AOPEP: variants seen among roughly 807,000 people sequenced by gnomAD.
AOPEP encodes aminopeptidase O.
In AOPEP, 77 loss-of-function variants were observed where a neutral mutation model predicts 98.1. The observed-to-expected ratio is 0.78, with a 90% CI of 0.65 to 0.95. The LOEUF (loss-of-function observed/expected upper bound fraction) is 0.95, where lower values mean the gene tolerates loss of function less well. Among genes scored for constraint, AOPEP ranks in the 40% least tolerant of loss-of-function variants. AOPEP has a pLI of 0.00. For synonymous variants in AOPEP, 346 were observed against 365.3 expected, an observed-to-expected ratio of 0.95 and a Z score of 0.60; for missense variants, 1,024 against 1,024.7, an observed-to-expected ratio of 1.00 and a Z score of 0.01.
At chr9:95,115,850 TAC>T in the AOPEP span, among the ~76,000 whole-genome samples, 1 of 152,218 alleles carries the variant, frequency 6.6e-6, no homozygotes, top group African/African-American at 2.4e-5. Context: ...TTGTAGTGTC[TAC>T]ACAGTCAGGG....
chr9:95,056,493 C>G (rs912376081), intron 13 of AOPEP: 1 of 152,242 alleles, frequency 6.6e-6, no homozygotes, highest in African/African-American at 2.4e-5. Context: ...GAAATGGTGG[C>G]GGAACCTCAG....
Position 95,063,559 on chromosome 9 carries a change from C to G in AOPEP, c.2232+2749C>G, listed in dbSNP as rs1258626222. Among the ~76,000 whole-genome samples the G allele has an allele frequency of 2.0e-5, 3 of 152,192 alleles. No individual in the cohort carries two copies. In the East Asian group the frequency reaches 5.8e-4, roughly 29 times the overall value. On this transcript the variant is annotated intron_variant, in intron 14 of 16. Transcript: ENST00000375315. ...GGCCATGCCTCAGGGGATGGGCTCC[C>G]CCTGTGTTGTTTTGCTGGTGGCCAC...
At chr9:94,837,957 GA>G (rs1420539808) in intron 5 of AOPEP, among the ~76,000 whole-genome samples, 1 of 152,200 alleles carries the variant, frequency 6.6e-6, no homozygotes, top group African/African-American at 2.4e-5. Context: ...AATTGGTAAA[GA>G]GGAAATCAAA....
chr9:95,028,903 A>G (rs1286362978), intron 13 of AOPEP, among the ~76,000 whole-genome samples: 1 of 152,238 alleles, frequency 6.6e-6, no homozygotes, highest in African/African-American at 2.4e-5. Flanking sequence ...AGGTTATCCA[A>G]GAATTCCGCG....
the AOPEP span, among the ~76,000 whole-genome samples, chr9:95,115,220 G>T: frequency 6.6e-6 from 1 of 152,046 alleles, no homozygotes; most frequent in South Asian, 2.1e-4. Flanking sequence ...GGAATTACAG[G>T]CATTAATCAC....
chr9:94,737,610 A>G lies in AOPEP; in HGVS notation c.-136+10859A>G, dbSNP rs181082212. Among the ~76,000 whole-genome samples the G allele has an allele frequency of 2.6e-5, 4 of 152,368 alleles. No individual in the cohort carries two copies. The East Asian group carries it at 5.8e-4, about 22-fold the overall frequency. On this transcript the variant is annotated intron_variant, in intron 1 of 16. Coordinates refer to ENST00000375315, the MANE Select transcript of AOPEP (RefSeq NM_001193329.3). Reference sequence around the variant, plus strand: ...TTTGTAAAGTGCTGTTTGATATTATACAATTTTATATAGCTAAGTTTTATT... The same window carrying G: ...TTTGTAAAGTGCTGTTTGATATTATGCAATTTTATATAGCTAAGTTTTATT...
At chr9:95,084,533 G>T (rs73654511) in intron 16 of AOPEP, among the ~76,000 whole-genome samples, 1 of 152,130 alleles carries the variant, frequency 6.6e-6, no homozygotes, top group Non-Finnish European at 1.5e-5. Context: ...TTTCTCTTTC[G>T]TTTTGTTATT....
At chr9:94,895,247 AAAAAT>A (rs2049371598) in intron 5 of AOPEP, among the ~76,000 whole-genome samples, 1 of 150,614 alleles carries the variant, frequency 6.6e-6, no homozygotes, top group African/African-American at 2.5e-5. Flanking sequence ...AATAAAAAAA[AAAAAT>A]AGCTGGGCAT....
At chr9:95,007,883 T>C (rs2062157481) in intron 13 of AOPEP, among the ~76,000 whole-genome samples, 1 of 152,224 alleles carries the variant, frequency 6.6e-6, no homozygotes, top group African/African-American at 2.4e-5. Context: ...TGTGTTAACC[T>C]TTTGCTAGGA....
rs574274107 is a variant in AOPEP, at chr9:94,826,385, G to A, written c.1364+25383G>A. 3.9e-5 allele frequency among the ~76,000 whole-genome samples: 6 copies of A among 152,332 alleles called. No homozygotes were observed. The South Asian group carries it at 8.3e-4, about 21-fold the overall frequency. On this transcript the variant is annotated intron_variant, in intron 5 of 16. Transcript: ENST00000375315. Reference sequence around the variant, plus strand: ...TGTTGGGACACAGTGAGCAGCACAGGTACAGAGCTATAATAGAGACCCACT... The same window carrying A: ...TGTTGGGACACAGTGAGCAGCACAGATACAGAGCTATAATAGAGACCCACT...
At chr9:94,944,998 A>G (rs1589026596) in intron 7 of AOPEP, among the ~76,000 whole-genome samples, 1 of 152,304 alleles carries the variant, frequency 6.6e-6, no homozygotes, top group East Asian at 1.9e-4. Context: ...GTTGATCAAC[A>G]ATCATCTGGA....
At chr9:94,805,491 G>GTT (rs545600539) in intron 5 of AOPEP, among the ~76,000 whole-genome samples, 22 of 140,912 alleles carry the variant, frequency 1.6e-4, no homozygotes, top group African/African-American at 5.7e-4. Context: ...TTTGTTTTTT[G>GTT]TTTTTTTTTT....
intron 13 of AOPEP, chr9:95,005,909 C>T (rs1239138611): frequency 3.2e-5 from 17 of 535,094 alleles, no homozygotes; most frequent in African/African-American, 9.7e-5. Flanking sequence ...TGTTTATTAT[C>T]TCAGTGTTAA....
At chr9:94,964,708 C>T (rs1011684872) in intron 9 of AOPEP, among the ~76,000 whole-genome samples, 62 of 147,044 alleles carry the variant, frequency 4.2e-4, no homozygotes, top group Middle Eastern at 3.8e-3. Flanking sequence ...GGCGCGATCT[C>T]GGCTCACTGC....
downstream of AOPEP, among the ~76,000 whole-genome samples, chr9:95,088,591 C>T (rs561423084): frequency 6.6e-6 from 1 of 152,294 alleles, no homozygotes; most frequent in South Asian, 2.1e-4. Flanking sequence ...GGAGTACCGG[C>T]CGCACTGCCC....
chr9:95,107,210 TGA>T, the AOPEP span: 3 of 1,614,188 alleles, frequency 1.9e-6, no homozygotes, highest in Non-Finnish European at 1.7e-6. Context: ...GGTCCTGGGC[TGA>T]GAGGCTGCTG....
rs763664959 is a variant in AOPEP at position 95,082,736 on chromosome 9, CCTTT to C, written c.*4+20_*4+23del. On this transcript the variant is annotated intron_variant, in intron 16 of 16. Transcript: ENST00000375315. The stretch of plus-strand genomic sequence containing the variant: ...TTTAACGAGGTGATTCTCTCCCTTT[CCTTT>C]CTGTCATTTAGTTCTAACCAGATAC... The C allele has an allele frequency of 6.2e-6, 10 of 1,613,754 alleles. No individual in the cohort carries two copies. Among genetic ancestry groups the C allele is most frequent in the Middle Eastern group, 1.7e-4 (1 of 6,060 alleles).
chr9:95,022,575 A>G (rs898856547), intron 13 of AOPEP, among the ~76,000 whole-genome samples: 23 of 151,466 alleles, frequency 1.5e-4, no homozygotes, highest in Admixed American at 7.2e-4. Context: ...TCCTGACCTC[A>G]TGATCCGCCC....
intron 5 of AOPEP, among the ~76,000 whole-genome samples, chr9:94,877,552 C>T (rs756236139): frequency 2.0e-5 from 3 of 151,648 alleles, no homozygotes; most frequent in Non-Finnish European, 4.4e-5. Context: ...TCTGGAGTAA[C>T]TGGGACTACA....
Sources: allele counts gnomAD v4.1 joint callset (sites outside exome capture counted in the v4.1 genomes callset), GRCh38; gene constraint gnomAD v4.1.1; transcripts MANE v1.5; gene names NCBI Gene and HGNC (gene_info 2026-07-23, HGNC 2026-07-21).